Variants in PRR29 observed in about 807,000 individuals in gnomAD.
The protein encoded by PRR29 is proline rich 29, also known as proline-rich protein 29.
PRR29 carries 20 observed loss-of-function variants against 25.1 expected under a neutral mutation model. The observed-to-expected ratio is 0.80, with a 90% CI of 0.56 to 1.16. PRR29 has a LOEUF of 1.16. PRR29 is among the 50% of genes most tolerant of loss of function. The probability of loss-of-function intolerance (pLI) is 0.00; values close to 1 mark genes in which losing one functional copy is unlikely to be tolerated. For missense variants in PRR29, 238 were observed against 246.6 expected, an observed-to-expected ratio of 0.97 and a Z score of 0.23; for synonymous variants, 108 against 102.6, an observed-to-expected ratio of 1.05 and a Z score of -0.32.
At position 63,998,588 on chromosome 17, in the gene PRR29, G is replaced by C. The variant is rs1363996977; in HGVS notation, c.61-119G>C. 3.7e-6 allele frequency: 4 copies of C among 1,082,540 alleles called. No individual in the cohort carries two copies. The East Asian group carries it at 7.8e-5, about 21-fold the overall frequency. The allele number at this position is 1,082,540 out of a possible 1,614,324, so 67.1% of individuals were successfully genotyped here. On this transcript the variant is annotated intron_variant, in intron 1 of 5. Coordinates refer to ENST00000412177, the MANE Select transcript of PRR29 (RefSeq NM_001164257.2). ...GGGAGCAGGGAGGCCGCGGGGCGGG[G>C]AGGAGAGAACCTGGCCCCTGCGGGG...
In PRR29 at chr17:64,002,055, G is replaced by T; in HGVS notation, c.*294G>T. On this transcript the variant is annotated 3_prime_UTR_variant, in exon 6 of 6. Coordinates refer to ENST00000412177, the MANE Select transcript of PRR29 (RefSeq NM_001164257.2). ...CCACTGCTTCCTGCCTGGAGCAGGG[G>T]GAGGCCTGGGAACAGAGCCCCCACC... The T allele has an allele frequency of 6.9e-7, 1 of 1,456,176 alleles. No homozygotes were observed. The highest frequency in any genetic ancestry group is 1.3e-5 in the South Asian group (1 of 78,292). 90.2% of individuals were successfully genotyped at this position (1,456,176 alleles called of 1,614,324 possible). A position where few individuals can be genotyped will look rare whatever the true frequency, so the allele number is the denominator to read the frequency against.
chr17:63,998,717 C>T lies in PRR29; in HGVS notation c.71C>T (p.Thr24Ile). 6.5e-7 allele frequency: 1 copy of T among 1,527,644 alleles called. No homozygotes were observed. The allele number at this position is 1,527,644 out of a possible 1,614,324, so 94.6% of individuals were successfully genotyped here. ...PQSAVPTPWV[T>I]FLQPLSWAVP... is the part of the protein sequence containing the mutation. Reference sequence around the variant, plus strand: ...CGCGCACACCCCCAGCCCTGGGTCACCTTCCTGCAGCCCCTCTCGTGGGCC... The same window carrying T: ...CGCGCACACCCCCAGCCCTGGGTCATCTTCCTGCAGCCCCTCTCGTGGGCC... Residue 24 changes from threonine to isoleucine, a missense_variant, in exon 2 of 6, where the codon ACC becomes ATC. Thr to Ile is a moderately conservative substitution (Grantham distance 89). Transcript: ENST00000412177.
rs1910830973 is a variant in PRR29, at chr17:64,002,366, G to T, written c.*605G>T. On this transcript the variant is annotated 3_prime_UTR_variant, in exon 6 of 6. Transcript: ENST00000412177. ...GCCAGGAGTGGCCTGAGGTCTCCTG[G>T]GGCCAGGTGGGAACAGTGTGTCCTC... 1 of 398,408 alleles carries T rather than the reference G, an allele frequency of 2.5e-6. No individual in the cohort carries two copies. Among genetic ancestry groups the T allele is most frequent in the Non-Finnish European group, 4.7e-6 (1 of 214,848 alleles). 24.7% of individuals were successfully genotyped at this position (398,408 alleles called of 1,614,324 possible).
chr17:64,003,383 A>G lies in PRR29; in HGVS notation c.*1622A>G. The G allele has an allele frequency of 1.9e-6, 1 of 522,242 alleles. No individual in the cohort carries two copies. The highest frequency in any genetic ancestry group is 3.4e-6 in the Non-Finnish European group (1 of 291,310). The allele number at this position is 522,242 out of a possible 1,614,324, so 32.4% of individuals were successfully genotyped here. On this transcript the variant is annotated 3_prime_UTR_variant, in exon 6 of 6. Transcript: ENST00000412177. The stretch of plus-strand genomic sequence containing the variant: ...AAACTTCTCATTGTGGAGGGGAGCC[A>G]AGGCCAGGGAGAGCCGTCAAGGTCA...
In PRR29 at chr17:63,998,989, T is replaced by A. The variant is rs757397759; in HGVS notation, c.158T>A (p.Leu53Gln). ...VKEDLLELMM[L>Q]QNAQMHQLLL... is the part of the protein sequence containing the mutation. ...CTAGACCTGCTGGAACTGATGATGC[T>A]GCAGAACGCGCAGATGCACCAGCTG... The change falls in exon 3 of 6, where the codon CTG becomes CAG. Residue 53 changes from leucine (L) to glutamine (Q), a missense_variant. Coordinates refer to ENST00000412177, the MANE Select transcript of PRR29 (RefSeq NM_001164257.2). The A allele has an allele frequency of 9.1e-6, 14 of 1,536,272 alleles. 1 individual carries two copies. The South Asian group carries it at 1.5e-4, about 17-fold the overall frequency.
Position 64,002,086 on chromosome 17 carries a change from T to C in PRR29, c.*325T>C, listed in dbSNP as rs1301015391. On this transcript the variant is annotated 3_prime_UTR_variant, in exon 6 of 6. Transcript: ENST00000412177. The stretch of plus-strand genomic sequence containing the variant: ...CTGGGAACAGAGCCCCCACCCTCTC[T>C]CCCTCACCCCTCTCTCTGGGATGAT... 1.8e-5 allele frequency: 22 copies of C among 1,213,550 alleles called. No individual in the cohort carries two copies. The highest frequency in any genetic ancestry group is 1.8e-4 in the South Asian group (12 of 67,908). The allele number at this position is 1,213,550 out of a possible 1,614,324, so 75.2% of individuals were successfully genotyped here.
At chr17:63,999,184 G>A (rs531024368) in intron 3 of PRR29, 110 bp downstream of exon 3, 5 of 822,666 alleles carry the variant, frequency 6.1e-6, no homozygotes, top group Admixed American at 2.3e-5. Flanking sequence ...GGAGCAGGAA[G>A]CCAGCCCGTC....
At chr17:63,998,535 C>T (rs1441223025) in intron 1 of PRR29, 111 bp downstream of exon 1, 1 of 1,283,614 alleles carries the variant, frequency 7.8e-7, no homozygotes, top group East Asian at 2.6e-5. Flanking sequence ...GGAGAGACAG[C>T]CCCAAACCGA....
At position 64,002,936 on chromosome 17, in the gene PRR29, A is replaced by T; in HGVS notation, c.*1175A>T. 6.2e-7 allele frequency: 1 copy of T among 1,611,564 alleles called. No homozygotes were observed. The highest frequency in any genetic ancestry group is 8.5e-7 in the Non-Finnish European group (1 of 1,178,592). On this transcript the variant is annotated 3_prime_UTR_variant, in exon 6 of 6. Transcript: ENST00000412177. Reference sequence around the variant, plus strand: ...TGTCCGACACAGGCTCTGGGGAGGGAGGGGGCAAGGGTCTTAGACGTCCTG... The same window carrying T: ...TGTCCGACACAGGCTCTGGGGAGGGTGGGGGCAAGGGTCTTAGACGTCCTG...
chr17:63,998,960 C>T lies in PRR29; in HGVS notation c.137-8C>T. 2 of 1,536,148 alleles carry T rather than the reference C, an allele frequency of 1.3e-6. No individual in the cohort carries two copies. Among genetic ancestry groups the T allele is most frequent in the Non-Finnish European group, 1.7e-6 (2 of 1,146,666 alleles). On this transcript the variant is annotated splice_polypyrimidine_tract_variant and splice_region_variant and intron_variant, in intron 2 of 5. Coordinates refer to ENST00000412177, the MANE Select transcript of PRR29 (RefSeq NM_001164257.2). ...CCCGGCGTGGGCTTGCTGAACCCCGCTTCCTAGACCTGCTGGAACTGATGA... is the reference window on the plus strand; with the variant it reads ...CCCGGCGTGGGCTTGCTGAACCCCGTTTCCTAGACCTGCTGGAACTGATGA...
At chr17:64,000,724 C>T in intron 3 of PRR29, 1 of 249,338 alleles carries the variant, frequency 4.0e-6, no homozygotes, top group Non-Finnish European at 7.9e-6. Context: ...TCGATCTCTG[C>T]TCACTGCAAG....
intron 5 of PRR29, 23 bp from the exon 6 acceptor site, chr17:64,001,710 A>G: frequency 6.5e-7 from 1 of 1,536,390 alleles, no homozygotes; most frequent in Non-Finnish European, 8.7e-7. Flanking sequence ...GAGGGAGTCA[A>G]GATGAGGTTC....
At chr17:64,000,833 T>C in intron 3 of PRR29, 1 of 295,034 alleles carries the variant, frequency 3.4e-6, no homozygotes, top group Middle Eastern at 1.1e-3. Context: ...TTTTTTTTTT[T>C]TTTTTGGTAT....
chr17:63,999,738 T>TGTGCAAGG (rs1910459557), intron 3 of PRR29: 1 of 156,450 alleles, frequency 6.4e-6, no homozygotes, highest in East Asian at 1.9e-4. Flanking sequence ...CAAGTGGGTG[T>TGTGCAAGG]CTGTGTGCAT....
chr17:64,001,934 C>A lies in PRR29; in HGVS notation c.*173C>A. On this transcript the variant is annotated 3_prime_UTR_variant, in exon 6 of 6. Coordinates refer to ENST00000412177, the MANE Select transcript of PRR29 (RefSeq NM_001164257.2). ...TGGGGAAATCAGTCCCTGCCCCACG[C>A]CAATGAGTTCCTGGACGGGCCGGAT... 6.5e-7 allele frequency: 1 copy of A among 1,535,408 alleles called. No individual in the cohort carries two copies. The highest frequency in any genetic ancestry group is 8.7e-7 in the Non-Finnish European group (1 of 1,146,580).
rs544360158 is a variant in PRR29 at position 63,998,730 on chromosome 17, C to T, written c.84C>T (p.Pro28=). ...VPTPWVTFLQ[P]LSWAVPPAPP... ...AGCCCTGGGTCACCTTCCTGCAGCC[C>T]CTCTCGTGGGCCGTCCCACCTGCGC... Residue 28 remains proline, a synonymous_variant, in exon 2 of 6, where the codon CCC becomes CCT. Coordinates refer to ENST00000412177, the MANE Select transcript of PRR29 (RefSeq NM_001164257.2). 10 of 1,529,598 alleles carry T rather than the reference C, an allele frequency of 6.5e-6. No homozygotes were observed. Among genetic ancestry groups the T allele is most frequent in the South Asian group, 1.2e-5 (1 of 83,440 alleles). 94.8% of individuals were successfully genotyped at this position (1,529,598 alleles called of 1,614,324 possible).
chr17:63,999,356 C>G, intron 3 of PRR29: 2 of 516,102 alleles, frequency 3.9e-6, no homozygotes, highest in South Asian at 4.6e-5. Context: ...AAGGTAGGCA[C>G]CCTGGTAACC....
At position 64,002,842 on chromosome 17, in the gene PRR29, A is replaced by G; in HGVS notation, c.*1081A>G. 3 of 1,614,022 alleles carry G rather than the reference A, an allele frequency of 1.9e-6. No individual in the cohort carries two copies. Among genetic ancestry groups the G allele is most frequent in the Non-Finnish European group, 2.5e-6 (3 of 1,179,996 alleles). On this transcript the variant is annotated 3_prime_UTR_variant, in exon 6 of 6. Coordinates refer to ENST00000412177, the MANE Select transcript of PRR29 (RefSeq NM_001164257.2). ...CGCAAGTGCTGGCCGAAGATGAAGCAGAGCAGGACAGATGTCACGAACAGG... is the reference window on the plus strand; with the variant it reads ...CGCAAGTGCTGGCCGAAGATGAAGCGGAGCAGGACAGATGTCACGAACAGG...
chr17:64,001,826 C>T lies in PRR29; in HGVS notation c.*65C>T, dbSNP rs1403852135. ...TCTGGATACAGCCCCGGAGCCGCCT[C>T]CTGCACCTCTCTTGTCGACTCCCCG... On this transcript the variant is annotated 3_prime_UTR_variant, in exon 6 of 6. Transcript: ENST00000412177. 8.5e-6 allele frequency: 13 copies of T among 1,536,970 alleles called. No individual in the cohort carries two copies. The highest frequency in any genetic ancestry group is 1.0e-5 in the Non-Finnish European group (12 of 1,146,886).
Sources: allele counts gnomAD v4.1 joint callset, GRCh38; gene constraint gnomAD v4.1.1; transcripts MANE v1.5; gene names NCBI Gene and HGNC (gene_info 2026-07-23, HGNC 2026-07-21).